Variants in KLHL36 observed in about 807,000 individuals in gnomAD.
KLHL36 encodes kelch-like protein 36.
Under a neutral mutation model 53.3 loss-of-function variants are expected in KLHL36, and 35 were observed. The observed-to-expected ratio is 0.66, with a 90% CI of 0.50 to 0.87. KLHL36 has a LOEUF of 0.87. KLHL36 is among the 40% of genes least tolerant of loss of function. KLHL36 has a pLI of 0.00. For missense variants in KLHL36, 864 were observed against 897.6 expected, an observed-to-expected ratio of 0.96 and a Z score of 0.48; for synonymous variants, 472 against 398.9, an observed-to-expected ratio of 1.18 and a Z score of -2.18.
chr16:84,650,876 G>C lies in KLHL36; in HGVS notation c.9G>C (p.Glu3Asp). The C allele has an allele frequency of 2.5e-6, 4 of 1,611,676 alleles. No individual in the cohort carries two copies. The highest frequency in any genetic ancestry group is 3.4e-6 in the Non-Finnish European group (4 of 1,179,370). The change falls in exon 2 of 5, where the codon GAG becomes GAC. Residue 3 changes from glutamate (E) to aspartate (D), a missense_variant. Physicochemically the swap from Glu to Asp is conservative, Grantham distance 45. Coordinates refer to ENST00000564996, the MANE Select transcript of KLHL36 (RefSeq NM_024731.4). MMEGSRQTRVSRP... is the reference protein window; with the variant it reads MMDGSRQTRVSRP... ...GGGCTGAAATCTCTTTAATGATGGA[G>C]GGAAGCAGGCAGACGCGAGTGTCTC...
At position 84,666,925 on chromosome 16, in the gene KLHL36, A is replaced by C. The variant is rs1241119673; in HGVS notation, c.*4792A>C. 1 of 151,972 alleles carries C rather than the reference A, an allele frequency of 6.6e-6. No homozygotes were observed. The highest frequency in any genetic ancestry group is 2.4e-5 in the African/African-American group (1 of 41,388). 9.4% of individuals were successfully genotyped at this position (151,972 alleles called of 1,614,324 possible). A position where few individuals can be genotyped will look rare whatever the true frequency, so the allele number is the denominator to read the frequency against. On this transcript the variant is annotated 3_prime_UTR_variant, in exon 5 of 5. Coordinates refer to ENST00000564996, the MANE Select transcript of KLHL36 (RefSeq NM_024731.4). ...CTCTACTAAAATACAAAAATTAGGC[A>C]GTCGTGGTCGCCTGTAATCTCAGCT... is the stretch of plus-strand genomic sequence containing the variant.
At chr16:84,651,232 A>G (rs1906856124) in intron 2 of KLHL36, among the ~76,000 whole-genome samples, 1 of 152,164 alleles carries the variant, frequency 6.6e-6, no homozygotes, top group African/African-American at 2.4e-5. Flanking sequence ...ATGGGACAGG[A>G]AGAAAACTGG....
chr16:84,656,611 G>A (rs1437220825), intron 2 of KLHL36, among the ~76,000 whole-genome samples: 4 of 135,648 alleles, frequency 2.9e-5, no homozygotes, highest in African/African-American at 8.2e-5. Context: ...CAGCCTGGGC[G>A]ACAGAGCAAG....
In KLHL36 at chr16:84,661,438, A is replaced by T; in HGVS notation, c.1296-140A>T. On this transcript the variant is annotated intron_variant, in intron 4 of 4. Coordinates refer to ENST00000564996, the MANE Select transcript of KLHL36 (RefSeq NM_024731.4). This position sits in a 1 kb window ranked among gnomAD's most constrained non-coding sequence, Gnocchi z 7.9. ...TTTGCTAATGACGGCTACTGTCTAT[A>T]GAGTGTTCATGGGGTGCCCACTCCC... The T allele has an allele frequency of 1.3e-6, 1 of 793,694 alleles. No homozygotes were observed. The highest frequency in any genetic ancestry group is 2.0e-6 in the Non-Finnish European group (1 of 501,024). 49.2% of individuals were successfully genotyped at this position (793,694 alleles called of 1,614,324 possible).
Position 84,664,827 on chromosome 16 carries a change from A to G in KLHL36, c.*2694A>G, listed in dbSNP as rs989672959. On this transcript the variant is annotated 3_prime_UTR_variant, in exon 5 of 5. Coordinates refer to ENST00000564996, the MANE Select transcript of KLHL36 (RefSeq NM_024731.4). Reference sequence around the variant, plus strand: ...AATGGAACTGAAAATGGAAGAGACCATGCCTGGGCAACATGGCAAAACCCC... The same window carrying G: ...AATGGAACTGAAAATGGAAGAGACCGTGCCTGGGCAACATGGCAAAACCCC... The G allele has an allele frequency of 6.6e-6, 1 of 152,362 alleles. No individual in the cohort carries two copies. The highest frequency in any genetic ancestry group is 6.5e-5 in the Admixed American group (1 of 15,300). The allele number at this position is 152,362 out of a possible 1,614,324, so 9.4% of individuals were successfully genotyped here.
At chr16:84,660,914 A>G (rs1377456200) in intron 4 of KLHL36, among the ~76,000 whole-genome samples, 1 of 152,184 alleles carries the variant, frequency 6.6e-6, no homozygotes, top group Non-Finnish European at 1.5e-5. Flanking sequence ...GAGCCACTGC[A>G]CCTGGCCATA....
At chr16:84,653,896 A>C (rs973315953) in intron 2 of KLHL36, among the ~76,000 whole-genome samples, 8 of 151,242 alleles carry the variant, frequency 5.3e-5, no homozygotes, top group African/African-American at 1.9e-4. Flanking sequence ...AAAGTTGTCT[A>C]TGCAGCTGTG....
chr16:84,666,838 G>C lies in KLHL36; in HGVS notation c.*4705G>C, dbSNP rs1907861638. The C allele has an allele frequency of 6.6e-6, 1 of 152,072 alleles. No homozygotes were observed. Among genetic ancestry groups the C allele is most frequent in the South Asian group, 2.1e-4 (1 of 4,824 alleles). 9.4% of individuals were successfully genotyped at this position (152,072 alleles called of 1,614,324 possible). A position where few individuals can be genotyped will look rare whatever the true frequency, so the allele number is the denominator to read the frequency against. ...ACTCCCAGCACTCTGGGAGGCCAAGGGGGACGGATCACCTGAGGTCAAGAG... is the reference window on the plus strand; with the variant it reads ...ACTCCCAGCACTCTGGGAGGCCAAGCGGGACGGATCACCTGAGGTCAAGAG... On this transcript the variant is annotated 3_prime_UTR_variant, in exon 5 of 5. Coordinates refer to ENST00000564996, the MANE Select transcript of KLHL36 (RefSeq NM_024731.4).
At chr16:84,659,968 C>G in intron 4 of KLHL36, 51 bp downstream of exon 4, 13 of 1,547,094 alleles carry the variant, frequency 8.4e-6, no homozygotes, top group Non-Finnish European at 1.2e-5. Flanking sequence ...TTTTAAGGGA[C>G]ATAGTTCAGT....
At chr16:84,655,541 A>G (rs1567557531) in intron 2 of KLHL36, among the ~76,000 whole-genome samples, 1 of 151,662 alleles carries the variant, frequency 6.6e-6, no homozygotes, top group African/African-American at 2.4e-5. Context: ...CGTCTCTACA[A>G]AAAAATTTTA....
In KLHL36 at chr16:84,654,755, C is replaced by T. The variant is rs538357902; in HGVS notation, c.64-2116C>T. On this transcript the variant is annotated intron_variant, in intron 2 of 4. Coordinates refer to ENST00000564996, the MANE Select transcript of KLHL36 (RefSeq NM_024731.4). ...CCTCCTGAGTAGCTAGGATGACAGG[C>T]GCCCGCCACCACAACCAGCTAATTT... is the stretch of plus-strand genomic sequence containing the variant. Among the ~76,000 whole-genome samples the T allele has an allele frequency of 4.7e-4, 72 of 152,236 alleles. 1 individual carries two copies. Among genetic ancestry groups the T allele is most frequent in the Non-Finnish European group, 9.0e-4 (61 of 68,024 alleles).
chr16:84,657,621 C>T lies in KLHL36; in HGVS notation c.814C>T (p.Arg272Cys), dbSNP rs774996011. ...NCEGFIEEAV[R>C]YHNNLAAQPV... ...CGAGGGCTTCATCGAGGAGGCCGTGCGCTACCACAACAACCTGGCGGCCCA... is the reference window on the plus strand; with the variant it reads ...CGAGGGCTTCATCGAGGAGGCCGTGTGCTACCACAACAACCTGGCGGCCCA... The change falls in exon 3 of 5, where the codon CGC becomes TGC. Residue 272 changes from arginine to cysteine, a missense_variant. Physicochemically the swap from Arg to Cys is radical, Grantham distance 180. Transcript: ENST00000564996. 23 of 1,611,364 alleles carry T rather than the reference C, an allele frequency of 1.4e-5. No individual in the cohort carries two copies. The highest frequency in any genetic ancestry group is 3.3e-5 in the South Asian group (3 of 91,050).
At chr16:84,656,610 C>CT (rs1907212043) in intron 2 of KLHL36, among the ~76,000 whole-genome samples, 1 of 131,726 alleles carries the variant, frequency 7.6e-6, no homozygotes, top group Admixed American at 8.2e-5. Flanking sequence ...CCAGCCTGGG[C>CT]GACAGAGCAA....
chr16:84,653,203 C>T (rs1394777484), intron 2 of KLHL36, among the ~76,000 whole-genome samples: 2 of 151,724 alleles, frequency 1.3e-5, no homozygotes, highest in South Asian at 4.1e-4. Flanking sequence ...AGTGACAGAG[C>T]GAGACCCTGT....
chr16:84,663,781 C>T lies in KLHL36; in HGVS notation c.*1648C>T, dbSNP rs931839130. ...CTTTGCTGCCCCTCCTTTCCCTTCC[C>T]TTCAGGGTTTACTGTGGTTCTCACT... On this transcript the variant is annotated 3_prime_UTR_variant, in exon 5 of 5. Transcript: ENST00000564996. 9.9e-5 allele frequency: 15 copies of T among 152,254 alleles called. No homozygotes were observed. The highest frequency in any genetic ancestry group is 3.4e-4 in the African/African-American group (14 of 41,434). 9.4% of individuals were successfully genotyped at this position (152,254 alleles called of 1,614,324 possible). A position where few individuals can be genotyped will look rare whatever the true frequency, so the allele number is the denominator to read the frequency against.
In KLHL36 at chr16:84,662,064, C is replaced by T. The variant is rs1323918731; in HGVS notation, c.1782C>T (p.Ala594=). 9 of 1,579,388 alleles carry T rather than the reference C, an allele frequency of 5.7e-6. No homozygotes were observed. Among genetic ancestry groups the T allele is most frequent in the African/African-American group, 5.4e-5 (4 of 74,592 alleles). Reference sequence around the variant, plus strand: ...CTGGCGGGTCCGCCTGTGTCTGCGCCCTGGAGCCACGGCCAGAGGACAAGA... The same window carrying T: ...CTGGCGGGTCCGCCTGTGTCTGCGCTCTGGAGCCACGGCCAGAGGACAAGA... ...AIAGGSACVC[A]LEPRPEDKKK... Residue 594 remains alanine (A), a synonymous_variant, in exon 5 of 5, where the codon GCC becomes GCT. Transcript: ENST00000564996.
intron 1 of KLHL36, among the ~76,000 whole-genome samples, chr16:84,650,461 G>A (rs1264714790): frequency 6.6e-6 from 1 of 152,068 alleles, no homozygotes; most frequent in Admixed American, 6.6e-5. Flanking sequence ...TATCAGCCTG[G>A]CCAAGTATAA....
chr16:84,653,074 G>C (rs549590716), intron 2 of KLHL36, among the ~76,000 whole-genome samples: 3 of 152,042 alleles, frequency 2.0e-5, no homozygotes, highest in Non-Finnish European at 4.4e-5. Context: ...AAAATTAGCC[G>C]AGCCTGGTGG....
At chr16:84,653,050 C>G (rs1384501502) in intron 2 of KLHL36, among the ~76,000 whole-genome samples, 2 of 152,064 alleles carry the variant, frequency 1.3e-5, no homozygotes, top group African/African-American at 4.8e-5. Context: ...AACCTCATCT[C>G]TACAAAAGAT....
Sources: allele counts gnomAD v4.1 joint callset (sites outside exome capture counted in the v4.1 genomes callset), GRCh38; gene constraint gnomAD v4.1.1; non-coding constraint Gnocchi (gnomAD v3.1); transcripts MANE v1.5; gene names NCBI Gene and HGNC (gene_info 2026-07-23, HGNC 2026-07-21).